The following TCF20 variants were observed in gnomAD, a reference collection of about 807,000 sequenced individuals.
TCF20 encodes the protein transcription factor 20, also known as SPRE-binding protein.
In TCF20, 3 loss-of-function variants were observed where a neutral mutation model predicts 148.6. The observed-to-expected ratio is 0.02, with a 90% CI of 0.01 to 0.05. TCF20 has a LOEUF of 0.05. Ranked by LOEUF, TCF20 falls within the 10% of genes least tolerant of loss-of-function variation. The pLI, the probability that TCF20 is intolerant of heterozygous loss-of-function variation, is 1.00. For missense variants in TCF20, 2,350 were observed against 2,429.3 expected, an observed-to-expected ratio of 0.97 and a Z score of 0.69; for synonymous variants, 1,049 against 909.5, an observed-to-expected ratio of 1.15 and a Z score of -2.76.
At chr22:42,294,541 C>G (rs1024693400) in intron 1 of TCF20, among the ~76,000 whole-genome samples, 3 of 152,018 alleles carry the variant, frequency 2.0e-5, no homozygotes, top group Non-Finnish European at 1.5e-5. Context: ...CCTCCCAGCT[C>G]CGGGAGAGGG....
chr22:42,271,113 C>T (rs973618519), upstream of TCF20, among the ~76,000 whole-genome samples: 1 of 152,032 alleles, frequency 6.6e-6, no homozygotes, highest in African/African-American at 2.4e-5. Context: ...TGGGGTCGGG[C>T]GTGGGGGCGG....
chr22:42,173,391 T>G (rs1023279531), intron 3 of TCF20, among the ~76,000 whole-genome samples: 13 of 151,984 alleles, frequency 8.6e-5, no homozygotes, highest in African/African-American at 3.1e-4. Flanking sequence ...GGGGGGAAGG[T>G]GGCAGGAGTC....
chr22:42,197,048 G>A (rs1937627853), intron 2 of TCF20, among the ~76,000 whole-genome samples: 1 of 152,180 alleles, frequency 6.6e-6, no homozygotes, highest in Admixed American at 6.5e-5. Context: ...CCAGGTTTAC[G>A]TGGACAGCAT....
rs1267385999 is a variant in TCF20 at position 42,210,615 on chromosome 22, G to A, written c.4691C>T (p.Pro1564Leu). 3.0e-5 allele frequency: 48 copies of A among 1,614,094 alleles called. No homozygotes were observed. The highest frequency in any genetic ancestry group is 3.7e-5 in the Non-Finnish European group (44 of 1,180,026). The part of the protein sequence containing the change: ...QQPPPPPPQP[P>L]QIPEGSADGE... ...ATCTGCAGAACCTTCTGGTATCTGT[G>A]GGGGCTGAGGGGGTGGAGGCGGTGG... Residue 1564 changes from proline to leucine, a missense_variant, in exon 2 of 6, where the codon CCA becomes CTA. Pro to Leu is a moderately conservative substitution (Grantham distance 98). Transcript: ENST00000677622. The surrounding 1 kb of genome is among the most constrained non-coding windows in gnomAD (Gnocchi z 4.7).
At chr22:42,282,652 G>A (rs944347513) in intron 1 of TCF20, among the ~76,000 whole-genome samples, 1 of 152,200 alleles carries the variant, frequency 6.6e-6, no homozygotes, top group African/African-American at 2.4e-5. Context: ...CCCAGGCTAA[G>A]AGAATGATGG....
chr22:42,305,845 GC>G (rs2147037433), intron 1 of TCF20, among the ~76,000 whole-genome samples: 1 of 151,964 alleles, frequency 6.6e-6, no homozygotes, highest in South Asian at 2.1e-4. Context: ...TGCAGGCCTG[GC>G]CCTCAGATGC....
At chr22:42,198,920 C>T (rs181148649) in intron 2 of TCF20, among the ~76,000 whole-genome samples, 6 of 152,280 alleles carry the variant, frequency 3.9e-5, no homozygotes, top group Non-Finnish European at 7.4e-5. Context: ...CCACCTTGGC[C>T]TCCCAAGGTT....
chr22:42,311,227 G>A (rs767226996), intron 1 of TCF20, among the ~76,000 whole-genome samples: 2 of 152,358 alleles, frequency 1.3e-5, no homozygotes, highest in African/African-American at 4.8e-5. Flanking sequence ...CGGGGCTGGC[G>A]ACTGGGACCT....
At chr22:42,167,370 G>A (rs1935851144) in intron 5 of TCF20, among the ~76,000 whole-genome samples, 1 of 152,234 alleles carries the variant, frequency 6.6e-6, no homozygotes, top group Admixed American at 6.5e-5. Flanking sequence ...GGTGGTGCCG[G>A]AAGGGACACG....
At chr22:42,252,783 T>G (rs1413348450) in intron 1 of TCF20, among the ~76,000 whole-genome samples, 1 of 152,078 alleles carries the variant, frequency 6.6e-6, no homozygotes, top group Non-Finnish European at 1.5e-5. Context: ...AACACTAGAG[T>G]AACAATCTTG....
At chr22:42,333,591 AG>A (rs1928015580) in intron 1 of TCF20, among the ~76,000 whole-genome samples, 1 of 152,238 alleles carries the variant, frequency 6.6e-6, no homozygotes, top group Non-Finnish European at 1.5e-5. Context: ...TCAGAGGCAA[AG>A]GGGTAAAGGT....
chr22:42,216,754 A>C (rs1921850863), intron 1 of TCF20, among the ~76,000 whole-genome samples: 1 of 152,204 alleles, frequency 6.6e-6, no homozygotes, highest in Admixed American at 6.5e-5. Flanking sequence ...GGAAAATAGG[A>C]ATTCATCAAG....
At position 42,302,027 on chromosome 22, in the gene TCF20, CT is replaced by C. The variant is rs373598911; in HGVS notation, c.-37+41451del. ...CTTGGAGGAGCTGGGAGAGAACCCC[CT>C]GATGGGTCTGCATGGCACAGACCCA... On this transcript the variant is annotated intron_variant, in intron 1 of 1. Transcript: ENST00000515426. Among the ~76,000 whole-genome samples, 22 of 152,338 alleles carry C rather than the reference CT, an allele frequency of 1.4e-4. 1 individual carries two copies. Among genetic ancestry groups the C allele is most frequent in the African/African-American group, 4.6e-4 (19 of 41,570 alleles).
chr22:42,325,501 AGT>A (rs1350823854), intron 1 of TCF20, among the ~76,000 whole-genome samples: 5 of 152,226 alleles, frequency 3.3e-5, no homozygotes, highest in African/African-American at 1.2e-4. Context: ...CAGCCCAAGC[AGT>A]ACTCATGCAC....
chr22:42,199,459 C>T (rs531576846), intron 2 of TCF20, among the ~76,000 whole-genome samples: 93 of 152,182 alleles, frequency 6.1e-4, no homozygotes, highest in African/African-American at 2.2e-3. Flanking sequence ...CAACTGTGCA[C>T]AACAGAGAGG....
chr22:42,270,918 ATCTTGGCCTGCGCCTCAGGGCCG>A (rs1367405043), upstream of TCF20, among the ~76,000 whole-genome samples: 100 of 151,614 alleles, frequency 6.6e-4, no homozygotes, highest in African/African-American at 2.3e-3. Context: ...GCCCAGTGCC[ATCTTGGCCTGCGCCTCAGGGCCG>A]TCTTGGGGGT....
chr22:42,242,969 A>G (rs1025672622), intron 1 of TCF20, among the ~76,000 whole-genome samples: 3 of 152,112 alleles, frequency 2.0e-5, no homozygotes, highest in Non-Finnish European at 4.4e-5. Context: ...ACATGACTTT[A>G]GCTATATAAT....
At chr22:42,308,937 G>A (rs548892931) in intron 1 of TCF20, among the ~76,000 whole-genome samples, 10 of 152,264 alleles carry the variant, frequency 6.6e-5, no homozygotes, top group Admixed American at 1.3e-4. Flanking sequence ...TGGGTGAAAC[G>A]GGCTGGGATT....
At chr22:42,239,419 T>C (rs1601643426) in intron 1 of TCF20, among the ~76,000 whole-genome samples, 1 of 150,280 alleles carries the variant, frequency 6.7e-6, no homozygotes, top group East Asian at 2.0e-4. Context: ...GAGATTGCAG[T>C]GAGCCAAAAT....
Sources: allele counts gnomAD v4.1 joint callset (sites outside exome capture counted in the v4.1 genomes callset), GRCh38; gene constraint gnomAD v4.1.1; non-coding constraint Gnocchi (gnomAD v3.1); transcripts MANE v1.5; gene names NCBI Gene and HGNC (gene_info 2026-07-23, HGNC 2026-07-21).